The following LPCAT1 variants were observed in gnomAD, a reference collection of about 807,000 sequenced individuals.
The protein encoded by LPCAT1 is 1-acylglycerol-3-phosphate O-acyltransferase.
A neutral mutation model predicts 60.9 loss-of-function variants in LPCAT1; 23 were observed. That is an observed-to-expected ratio of 0.38 (90% CI 0.27 to 0.53). LPCAT1 has a LOEUF of 0.53. Ranked by LOEUF, LPCAT1 falls within the 20% of genes least tolerant of loss-of-function variation. The probability of loss-of-function intolerance (pLI) is 0.82; values close to 1 mark genes in which losing one functional copy is unlikely to be tolerated. For synonymous variants in LPCAT1, 340 were observed against 301.1 expected, an observed-to-expected ratio of 1.13 and a Z score of -1.34; for missense variants, 622 against 723.6, an observed-to-expected ratio of 0.86 and a Z score of 1.61.
At chr5:1,514,931 G>A (rs1736461267) in intron 1 of LPCAT1, among the ~76,000 whole-genome samples, 1 of 152,196 alleles carries the variant, frequency 6.6e-6, no homozygotes, top group South Asian at 2.1e-4. Flanking sequence ...CTCCCGCCTG[G>A]TCTGAGTAAA....
chr5:1,464,316 C>G (rs553315614), intron 13 of LPCAT1, among the ~76,000 whole-genome samples: 4 of 152,136 alleles, frequency 2.6e-5, no homozygotes, highest in African/African-American at 9.7e-5. Flanking sequence ...CTCATGTGAG[C>G]GCCCTCGGCT....
chr5:1,463,661 T>C lies in LPCAT1; in HGVS notation c.1595A>G (p.Lys532Arg). The C allele has an allele frequency of 6.2e-7, 1 of 1,614,180 alleles. No homozygotes were observed. Among genetic ancestry groups the C allele is most frequent in the Non-Finnish European group, 8.5e-7 (1 of 1,180,040 alleles). Residue 532 changes from lysine to arginine, a missense_variant, in exon 14 of 14, where the codon AAG (lysine) becomes AGG (arginine). This residue lies in a region of LPCAT1 where 288 missense variants were observed against 283.6 expected (regional missense o/e 1.02). Coordinates refer to ENST00000283415, the MANE Select transcript of LPCAT1 (RefSeq NM_024830.5). ...SDAGRKPVRK[K>R]LD ...CCGCAACCCTGGGTCCTAATCCAGC[T>C]TCTTGCGAACAGGCTTCCGCCCAGC...
Position 1,476,814 on chromosome 5 carries a change from G to C in LPCAT1, c.899+590C>G, listed in dbSNP as rs1734937490. Among the ~76,000 whole-genome samples, 1 of 148,386 alleles carries C rather than the reference G, an allele frequency of 6.7e-6. No individual in the cohort carries two copies. Among genetic ancestry groups the C allele is most frequent in the African/African-American group, 2.6e-5 (1 of 38,084 alleles). ...GCTGAGGGAGGGAGATGGGGAGGGCGTGTGAGCTGACGACACCGAGGGAGG... is the reference window on the plus strand; with the variant it reads ...GCTGAGGGAGGGAGATGGGGAGGGCCTGTGAGCTGACGACACCGAGGGAGG... On this transcript the variant is annotated intron_variant, in intron 9 of 13. Coordinates refer to ENST00000283415, the MANE Select transcript of LPCAT1 (RefSeq NM_024830.5). The surrounding 1 kb of genome is among the most constrained non-coding windows in gnomAD (Gnocchi z 8.6).
At position 1,502,403 on chromosome 5, in the gene LPCAT1, G is replaced by A. The variant is rs935611175; in HGVS notation, c.136-800C>T. ...TAGCTGGCCTGCAGTTTGCAAGGTT[G>A]GACCTCAGACCACAGAGAAGACGGC... On this transcript the variant is annotated intron_variant, in intron 1 of 13. Transcript: ENST00000283415. The surrounding 1 kb of genome is among the most constrained non-coding windows in gnomAD (Gnocchi z 5.5). 6.6e-6 allele frequency among the ~76,000 whole-genome samples: 1 copy of A among 152,228 alleles called. No homozygotes were observed. The highest frequency in any genetic ancestry group is 1.5e-5 in the Non-Finnish European group (1 of 68,038).
At position 1,523,791 on chromosome 5, in the gene LPCAT1, G is replaced by A; in HGVS notation, c.54C>T (p.Ala18=). The change falls in exon 1 of 14, where the codon GCC becomes GCT. Residue 18 remains alanine (A), a synonymous_variant. Coordinates refer to ENST00000283415, the MANE Select transcript of LPCAT1 (RefSeq NM_024830.5). This position sits in a 1 kb window ranked among gnomAD's most constrained non-coding sequence, Gnocchi z 7.1. The part of the protein sequence containing the change: ...PRAAPASSAG[A]SDARLLAPPG... ...GGGGCGCCAGCAGCCGAGCGTCGCT[G>A]GCCCCTGCGCTGGAGGCAGGGGCGG... The A allele has an allele frequency of 8.9e-7, 1 of 1,127,220 alleles. No individual in the cohort carries two copies. Among genetic ancestry groups the A allele is most frequent in the Non-Finnish European group, 1.1e-6 (1 of 921,352 alleles). 69.8% of individuals were successfully genotyped at this position (1,127,220 alleles called of 1,614,324 possible).
intron 1 of LPCAT1, among the ~76,000 whole-genome samples, chr5:1,514,439 C>G (rs558156716): frequency 6.6e-6 from 1 of 152,200 alleles, no homozygotes; most frequent in Non-Finnish European, 1.5e-5. Flanking sequence ...ACTGTTCCTT[C>G]GACAGGTCAG....
At chr5:1,479,497 A>G in intron 8 of LPCAT1, 124 bp downstream of exon 8, 3 of 743,650 alleles carry the variant, frequency 4.0e-6, no homozygotes, top group Non-Finnish European at 7.3e-6. Flanking sequence ...GAGAAACGGA[A>G]AGATGGGAAA....
rs569379529 is a variant in LPCAT1, at chr5:1,487,526, C to T, written c.667+865G>A. Among the ~76,000 whole-genome samples the T allele has an allele frequency of 5.9e-5, 9 of 152,240 alleles. No individual in the cohort carries two copies. Among genetic ancestry groups the T allele is most frequent in the East Asian group, 1.9e-4 (1 of 5,168 alleles). On this transcript the variant is annotated intron_variant, in intron 5 of 13. Coordinates refer to ENST00000283415, the MANE Select transcript of LPCAT1 (RefSeq NM_024830.5). The surrounding 1 kb of genome is among the most constrained non-coding windows in gnomAD (Gnocchi z 6.1). ...ATGGCCACAGGCTCGGAAACCCCGG[C>T]GGCACACGTAGGTGAGTGACTGCAC...
At chr5:1,488,012 T>G (rs961494718) in intron 5 of LPCAT1, among the ~76,000 whole-genome samples, 3 of 151,996 alleles carry the variant, frequency 2.0e-5, no homozygotes, top group Non-Finnish European at 2.9e-5. Flanking sequence ...TCGCAGGGAT[T>G]TGCACCTGGG....
At chr5:1,507,734 C>A (rs929218123) in intron 1 of LPCAT1, among the ~76,000 whole-genome samples, 97 of 152,332 alleles carry the variant, frequency 6.4e-4, no homozygotes, top group Admixed American at 4.6e-4. Context: ...CCAGCTCACA[C>A]TCACGTGACA....
chr5:1,465,041 A>C (rs1734296253), intron 13 of LPCAT1, among the ~76,000 whole-genome samples: 1 of 145,594 alleles, frequency 6.9e-6, no homozygotes. Context: ...CACACTAAAC[A>C]CACATGCGCA....
rs1374542195 is a variant in LPCAT1 at position 1,502,008 on chromosome 5, C to A, written c.136-405G>T. Among the ~76,000 whole-genome samples, 1 of 152,016 alleles carries A rather than the reference C, an allele frequency of 6.6e-6. No homozygotes were observed. The highest frequency in any genetic ancestry group is 1.5e-5 in the Non-Finnish European group (1 of 67,980). On this transcript the variant is annotated intron_variant, in intron 1 of 13. Transcript: ENST00000283415. This position sits in a 1 kb window ranked among gnomAD's most constrained non-coding sequence, Gnocchi z 5.5. ...ACTGGCACTGACCAAGGCTGACCAA[C>A]ATTGACCGGCACTGACCAAGGCTGA...
At chr5:1,498,277 G>A (rs1735865169) in intron 2 of LPCAT1, among the ~76,000 whole-genome samples, 1 of 152,168 alleles carries the variant, frequency 6.6e-6, no homozygotes, top group Non-Finnish European at 1.5e-5. Flanking sequence ...TTTGTGACTA[G>A]GTTTCCCCTT....
At chr5:1,465,742 A>G (rs2937656) in intron 13 of LPCAT1, among the ~76,000 whole-genome samples, 5,144 of 151,128 alleles carry the variant, frequency 0.034, 293 homozygotes, top group African/African-American at 0.12. Context: ...TGAAACAAGC[A>G]TGCACATGTG....
At chr5:1,497,150 A>G (rs1450082099) in intron 2 of LPCAT1, among the ~76,000 whole-genome samples, 2 of 152,266 alleles carry the variant, frequency 1.3e-5, no homozygotes, top group African/African-American at 4.8e-5. Flanking sequence ...AGTCTGGAAG[A>G]ACAGGGCGCT....
rs1579771126 is a variant in LPCAT1 at position 1,479,429 on chromosome 5, A to T, written c.816+192T>A. Reference sequence around the variant, plus strand: ...AATCTTATCCAAGTGGTTCAGACTCATAAGAGAGACATAAAGTCATTGAGG... The same window carrying T: ...AATCTTATCCAAGTGGTTCAGACTCTTAAGAGAGACATAAAGTCATTGAGG... On this transcript the variant is annotated intron_variant, in intron 8 of 13. Transcript: ENST00000283415. 3.3e-5 allele frequency: 20 copies of T among 603,860 alleles called. No homozygotes were observed. The South Asian group carries it at 3.9e-4, about 12-fold the overall frequency. The allele number at this position is 603,860 out of a possible 1,614,324, so 37.4% of individuals were successfully genotyped here.
chr5:1,506,001 G>A (rs758248346), intron 1 of LPCAT1, among the ~76,000 whole-genome samples: 1 of 152,266 alleles, frequency 6.6e-6, no homozygotes, highest in Non-Finnish European at 1.5e-5. Context: ...GGTGCATCAG[G>A]GAATGCGGCC....
chr5:1,467,702 C>T lies in LPCAT1; in HGVS notation c.1279-812G>A, dbSNP rs1579753271. Reference sequence around the variant, plus strand: ...TCCCTGTGGGGTGCAGGGTCCTGCCCCAGCCCTTTAGGCTCGAGCCTGGCC... The same window carrying T: ...TCCCTGTGGGGTGCAGGGTCCTGCCTCAGCCCTTTAGGCTCGAGCCTGGCC... On this transcript the variant is annotated intron_variant, in intron 12 of 13. Coordinates refer to ENST00000283415, the MANE Select transcript of LPCAT1 (RefSeq NM_024830.5). Among the ~76,000 whole-genome samples the T allele has an allele frequency of 3.3e-5, 5 of 151,114 alleles. No homozygotes were observed. The South Asian group carries it at 8.3e-4, about 25-fold the overall frequency.
At chr5:1,466,667 G>C (rs1734418751) in intron 13 of LPCAT1, 82 bp downstream of exon 13, 1 of 1,441,876 alleles carries the variant, frequency 6.9e-7, no homozygotes, top group African/African-American at 1.4e-5. Flanking sequence ...CTCCTGTCCT[G>C]GGCTCCCACG....
Sources: gnomAD v4.1 joint callset for allele counts (sites outside exome capture counted in the v4.1 genomes callset) on GRCh38, gnomAD v4.1.1 for gene constraint, gnomAD v4.1.1 regional missense constraint, Gnocchi (gnomAD v3.1) non-coding constraint, MANE v1.5 for transcripts, NCBI Gene and HGNC (gene_info 2026-07-23, HGNC 2026-07-21) for gene names.